Variants in SLC44A5 observed in about 807,000 individuals in gnomAD.
SLC44A5 encodes solute carrier family 44 member 5.
A neutral mutation model predicts 101.8 loss-of-function variants in SLC44A5; 57 were observed. The ratio of observed to expected loss-of-function variants is 0.56; its 90% CI spans 0.45 to 0.70. The LOEUF (loss-of-function observed/expected upper bound fraction) is 0.70. Among genes scored for constraint, SLC44A5 ranks in the 30% least tolerant of loss-of-function variants. The pLI is 0.00. For synonymous variants in SLC44A5, 281 were observed against 290.9 expected, an observed-to-expected ratio of 0.97 and a Z score of 0.35; for missense variants, 737 against 853.1, an observed-to-expected ratio of 0.86 and a Z score of 1.70.
chr1:75,291,754 G>A (rs1653562509), intron 5 of SLC44A5, among the ~76,000 whole-genome samples: 1 of 152,086 alleles, frequency 6.6e-6, no homozygotes, highest in South Asian at 2.1e-4. Flanking sequence ...GCTCACACCT[G>A]TAATCCCAGC....
intron 2 of SLC44A5, among the ~76,000 whole-genome samples, chr1:75,404,937 A>T (rs1285380327): frequency 6.6e-6 from 1 of 152,226 alleles, no homozygotes; most frequent in Non-Finnish European, 1.5e-5. Flanking sequence ...TTAGTGTGCT[A>T]TATTCAGGAG....
chr1:75,419,472 A>AG lies in SLC44A5; in HGVS notation c.14-22852_14-22851insC, dbSNP rs200928087. Among the ~76,000 whole-genome samples the AG allele has an allele frequency of 6.4e-3, 948 of 148,020 alleles. 9 individuals are homozygous for AG. The highest frequency in any genetic ancestry group is 0.021 in the African/African-American group (851 of 40,516). ...CATCTTTAAAGTGCTAAAGAGAGAG[A>AG]AAAAAAAAAAGGACTGTTCGTGTGA... On this transcript the variant is annotated intron_variant, in intron 2 of 23. Coordinates refer to ENST00000370859, the MANE Select transcript of SLC44A5 (RefSeq NM_001130058.2).
chr1:75,433,307 CTGGTCTCCAGAGG>C (rs1664715412), intron 2 of SLC44A5, among the ~76,000 whole-genome samples: 1 of 152,152 alleles, frequency 6.6e-6, no homozygotes, highest in Admixed American at 6.5e-5. Context: ...TCTACCACAG[CTGGTCTCCAGAGG>C]TGGCCAATAA....
chr1:75,237,952 G>A lies in SLC44A5; in HGVS notation c.656+561C>T, dbSNP rs79087966. ...TATGTTTGTGCACATGTGTGTATGC[G>A]TGCACACAGGGAAATATATTTTCCA... is the stretch of plus-strand genomic sequence containing the variant. On this transcript the variant is annotated intron_variant, in intron 10 of 23. Transcript: ENST00000370859. Among the ~76,000 whole-genome samples the A allele has an allele frequency of 2.1e-3, 314 of 151,988 alleles. 1 individual carries two copies. Among genetic ancestry groups the A allele is most frequent in the African/African-American group, 6.7e-3 (276 of 41,460 alleles).
chr1:75,549,163 G>A (rs1671805329), intron 1 of SLC44A5, among the ~76,000 whole-genome samples: 1 of 151,984 alleles, frequency 6.6e-6, no homozygotes, highest in South Asian at 2.1e-4. Context: ...TTGACTCTTT[G>A]ACCAAATTCC....
At chr1:75,284,239 G>C (rs1386479590) in intron 5 of SLC44A5, among the ~76,000 whole-genome samples, 1 of 152,022 alleles carries the variant, frequency 6.6e-6, no homozygotes, top group African/African-American at 2.4e-5. Context: ...ATATTCCTAA[G>C]TATTTTGTTT....
In SLC44A5 at chr1:75,435,943, T is replaced by C. The variant is rs542972108; in HGVS notation, c.14-39322A>G. Among the ~76,000 whole-genome samples the C allele has an allele frequency of 3.3e-5, 5 of 152,116 alleles. No homozygotes were observed. In the East Asian group the frequency reaches 5.8e-4, roughly 18 times the overall value. The stretch of plus-strand genomic sequence containing the variant: ...CCTGATCTAAAAAACATTTCACCTG[T>C]TAACTTCAGGGAGATTACATTAGAA... On this transcript the variant is annotated intron_variant, in intron 2 of 23. Transcript: ENST00000370859.
intron 6 of SLC44A5, among the ~76,000 whole-genome samples, chr1:75,263,452 A>C (rs1650710897): frequency 6.6e-6 from 1 of 152,224 alleles, no homozygotes; most frequent in Non-Finnish European, 1.5e-5. Flanking sequence ...GCCAGTTAGA[A>C]TGATGGTCAT....
intron 22 of SLC44A5, among the ~76,000 whole-genome samples, chr1:75,213,110 T>C (rs574274808): frequency 1.3e-5 from 2 of 152,280 alleles, no homozygotes; most frequent in South Asian, 4.1e-4. Context: ...TGGGTCAGCT[T>C]CTCCTGCTAC....
intron 2 of SLC44A5, among the ~76,000 whole-genome samples, chr1:75,505,271 AC>A (rs954078066): frequency 3.9e-5 from 6 of 152,272 alleles, no homozygotes; most frequent in African/African-American, 1.4e-4. Flanking sequence ...GATAATGGGC[AC>A]CTAGTTTGAT....
the SLC44A5 span, among the ~76,000 whole-genome samples, chr1:75,619,435 T>C: frequency 0.31 from 46,463 of 151,920 alleles, 7,942 homozygotes; most frequent in East Asian, 0.82. Flanking sequence ...GTACCACTAG[T>C]CAGCTGCAGG....
intron 3 of SLC44A5, among the ~76,000 whole-genome samples, chr1:75,341,530 AG>A (rs1228578823): frequency 6.6e-6 from 1 of 152,080 alleles, no homozygotes; most frequent in African/African-American, 2.4e-5. Context: ...AGAAAGAAAA[AG>A]AAAGAAGGAA....
chr1:75,411,270 G>C (rs910527274), intron 2 of SLC44A5, among the ~76,000 whole-genome samples: 2 of 152,016 alleles, frequency 1.3e-5, no homozygotes, highest in Non-Finnish European at 2.9e-5. Flanking sequence ...GTCCAATGAG[G>C]CAGGAAAAGC....
chr1:75,390,906 C>A (rs1175226047), intron 3 of SLC44A5, among the ~76,000 whole-genome samples: 1 of 152,036 alleles, frequency 6.6e-6, no homozygotes, highest in Admixed American at 6.6e-5. Flanking sequence ...GTAAAATTGT[C>A]CATCTCCACT....
chr1:75,710,506 G>A, the SLC44A5 span: 1 of 143,012 alleles, frequency 7.0e-6, no homozygotes, highest in African/African-American at 2.6e-5. Flanking sequence ...CAAGGTTGCA[G>A]TGAGCTGTGA....
At chr1:75,273,311 A>G (rs1344036717) in intron 6 of SLC44A5, among the ~76,000 whole-genome samples, 2 of 152,040 alleles carry the variant, frequency 1.3e-5, no homozygotes, top group Non-Finnish European at 2.9e-5. Flanking sequence ...TAGCTATGTG[A>G]TCATATCATC....
At chr1:75,518,596 G>A (rs1669959102) in intron 2 of SLC44A5, among the ~76,000 whole-genome samples, 1 of 152,028 alleles carries the variant, frequency 6.6e-6, no homozygotes, top group Non-Finnish European at 1.5e-5. Flanking sequence ...AATCTGAAAA[G>A]CAACATACGA....
the SLC44A5 span, among the ~76,000 whole-genome samples, chr1:75,623,586 T>C: frequency 6.6e-6 from 1 of 152,086 alleles, no homozygotes; most frequent in East Asian, 1.9e-4. Context: ...TCTCAAAGGA[T>C]AAGGTTTTTT....
At chr1:75,291,646 C>A (rs1653552467) in intron 5 of SLC44A5, among the ~76,000 whole-genome samples, 2 of 151,870 alleles carry the variant, frequency 1.3e-5, no homozygotes, top group Non-Finnish European at 2.9e-5. Flanking sequence ...ACAACATGGA[C>A]AAAGGGCCTG....
Sources: gnomAD v4.1 joint callset for allele counts (sites outside exome capture counted in the v4.1 genomes callset) on GRCh38, gnomAD v4.1.1 for gene constraint, MANE v1.5 for transcripts, NCBI Gene and HGNC (gene_info 2026-07-23, HGNC 2026-07-21) for gene names.